Variants in OLFM1 observed in about 807,000 individuals in gnomAD.
OLFM1 encodes noelin.
Under a neutral mutation model 49.7 loss-of-function variants are expected in OLFM1, and 9 were observed. The observed-to-expected ratio is 0.18, with a 90% CI of 0.11 to 0.32. The LOEUF is 0.32. OLFM1 is among the 10% of genes least tolerant of loss of function. OLFM1 has a pLI of 1.00. For missense variants in OLFM1, 369 were observed against 661.8 expected (o/e 0.56, Z 4.85); for synonymous variants, 240 against 271.8 (o/e 0.88, Z 1.15).
At chr9:135,092,361 T>TCATGGTA (rs1237926075) in intron 2 of OLFM1, among the ~76,000 whole-genome samples, 1 of 152,190 alleles carries the variant, frequency 6.6e-6, no homozygotes, top group Non-Finnish European at 1.5e-5. Flanking sequence ...GAAGGATGCA[T>TCATGGTA]CATGGTACGC....
upstream of OLFM1, among the ~76,000 whole-genome samples, chr9:135,086,876 C>T (rs1349789391): frequency 6.6e-6 from 1 of 152,186 alleles, no homozygotes; most frequent in Non-Finnish European, 1.5e-5. Context: ...GACCCCAGTC[C>T]CCGCCCCACA....
At position 135,113,847 on chromosome 9, in the gene OLFM1, G is replaced by A. The variant is rs991795791; in HGVS notation, c.784-5657G>A. On this transcript the variant is annotated intron_variant, in intron 5 of 5. Transcript: ENST00000371793. This position sits in a 1 kb window ranked among gnomAD's most constrained non-coding sequence, Gnocchi z 4.0. ...TGCTGCAGGAGCTCCCACAGCCTGG[G>A]GGGCACCACAGGGGCTCACTGTCAC... is the stretch of plus-strand genomic sequence containing the variant. 1.3e-5 allele frequency among the ~76,000 whole-genome samples: 2 copies of A among 152,356 alleles called. No individual in the cohort carries two copies. The highest frequency in any genetic ancestry group is 4.8e-5 in the African/African-American group (2 of 41,596).
chr9:135,075,540 A>C (rs1487939545), exon 1 of OLFM1: 1 of 431,356 alleles, frequency 2.3e-6, no homozygotes, highest in Non-Finnish European at 4.0e-6. Flanking sequence ...AAATATGCAG[A>C]GCGGAGGCTT....
In OLFM1 at chr9:135,087,886, C is replaced by T. The variant is rs1483844306; in HGVS notation, c.-104C>T. On this transcript the variant is annotated 5_prime_UTR_variant, in exon 1 of 6. Coordinates refer to ENST00000371793, the MANE Select transcript of OLFM1 (RefSeq NM_001282611.2). ...GGCGGGCCGAGGGGGCGCGGGGACA[C>T]AGCCAGGCGCCCCTGCCCGCCGCGG... 1 of 1,053,274 alleles carries T rather than the reference C, an allele frequency of 9.5e-7. No homozygotes were observed. The allele number at this position is 1,053,274 out of a possible 1,614,324, so 65.2% of individuals were successfully genotyped here.
intron 3 of OLFM1, chr9:135,097,994 T>C: frequency 3.5e-6 from 5 of 1,420,284 alleles, no homozygotes; most frequent in Non-Finnish European, 3.7e-6. Flanking sequence ...TTTGAACCCT[T>C]GTCAATGCAT....
chr9:135,116,587 G>A (rs897199332), intron 5 of OLFM1, among the ~76,000 whole-genome samples: 1 of 152,138 alleles, frequency 6.6e-6, no homozygotes, highest in African/African-American at 2.4e-5. Flanking sequence ...CACAGTCAAA[G>A]GTGTTCTGTG....
intron 4 of OLFM1, among the ~76,000 whole-genome samples, chr9:135,104,621 G>A (rs1176298224): frequency 6.6e-6 from 1 of 152,296 alleles, no homozygotes; most frequent in African/African-American, 2.4e-5. Flanking sequence ...AAGTCCTCAC[G>A]GGATGTTCAC....
intron 3 of OLFM1, chr9:135,097,678 A>G: frequency 2.1e-6 from 2 of 953,016 alleles, no homozygotes; most frequent in Non-Finnish European, 3.4e-6. Context: ...TTACAGTGGG[A>G]TTTTTCTAAC....
intron 5 of OLFM1, among the ~76,000 whole-genome samples, chr9:135,107,593 C>G (rs1830963461): frequency 6.6e-6 from 1 of 152,258 alleles, no homozygotes; most frequent in South Asian, 2.1e-4. Context: ...AAGTGAGCAC[C>G]CTCTGAAGGC....
upstream of OLFM1, chr9:135,087,490 C>T (rs1287754254): frequency 3.4e-6 from 5 of 1,479,074 alleles, no homozygotes; most frequent in African/African-American, 7.2e-5. Context: ...CTCATGTCAC[C>T]CTGATCCCAA....
At chr9:135,078,532 G>A (rs1830495787) in intron 1 of OLFM1, among the ~76,000 whole-genome samples, 1 of 152,226 alleles carries the variant, frequency 6.6e-6, no homozygotes, top group African/African-American at 2.4e-5. Context: ...AAGGCTGTGG[G>A]GCCAGGTGAA....
chr9:135,075,541 G>A (rs975335545), exon 1 of OLFM1: 9 of 379,760 alleles, frequency 2.4e-5, no homozygotes, highest in Non-Finnish European at 4.2e-5. Context: ...AATATGCAGA[G>A]CGGAGGCTTC....
In OLFM1 at chr9:135,076,179, C is replaced by A. The variant is rs1367625926; in HGVS notation, c.96+377C>A. 2.6e-6 allele frequency: 4 copies of A among 1,550,300 alleles called. No homozygotes were observed. The East Asian group carries it at 9.8e-5, about 38-fold the overall frequency. ...GGATAGCCAAGACCCCAGGCATTTT[C>A]AGAGGTGGCGGGACCTTAGTCCTAC... On this transcript the variant is annotated intron_variant, in intron 1 of 5. Transcript: ENST00000252854.
At chr9:135,091,881 ACACACTCACACATAGT>A (rs1830719424) in intron 2 of OLFM1, among the ~76,000 whole-genome samples, 1 of 100,006 alleles carries the variant, frequency 1.0e-5, no homozygotes, top group East Asian at 3.1e-4. Flanking sequence ...ACAGTCACAC[ACACACTCACACATAGT>A]CACACACACA....
At chr9:135,109,108 C>T (rs1033615588) in intron 5 of OLFM1, among the ~76,000 whole-genome samples, 2 of 152,172 alleles carry the variant, frequency 1.3e-5, no homozygotes, top group Admixed American at 1.3e-4. Flanking sequence ...TCTAACACCC[C>T]CCAGGACTGG....
intron 5 of OLFM1, among the ~76,000 whole-genome samples, chr9:135,114,687 G>A (rs1177999685): frequency 2.0e-5 from 3 of 152,020 alleles, no homozygotes; most frequent in Non-Finnish European, 4.4e-5. Flanking sequence ...GGGCAGCCTG[G>A]GGAGGGAGGG....
At chr9:135,076,067 C>T (rs1830461020) in intron 1 of OLFM1, 1 of 1,458,742 alleles carries the variant, frequency 6.9e-7, no homozygotes, top group Non-Finnish European at 9.1e-7. Flanking sequence ...GACTCCGCTG[C>T]CCCCGACTCC....
In OLFM1 at chr9:135,117,711, G is replaced by A. The variant is rs533508528; in HGVS notation, c.784-1793G>A. Reference sequence around the variant, plus strand: ...GGGGTATGGCAGTGAACAGATAGGTGCAGCTGCTGCCCCACAACCTGGTGT... The same window carrying A: ...GGGGTATGGCAGTGAACAGATAGGTACAGCTGCTGCCCCACAACCTGGTGT... On this transcript the variant is annotated intron_variant, in intron 5 of 5. Transcript: ENST00000371793. The surrounding 1 kb of genome is among the most constrained non-coding windows in gnomAD (Gnocchi z 5.5). 1.3e-5 allele frequency among the ~76,000 whole-genome samples: 2 copies of A among 152,332 alleles called. No homozygotes were observed. The highest frequency in any genetic ancestry group is 1.9e-4 in the East Asian group (1 of 5,168).
rs1448277877 is a variant in OLFM1 at position 135,088,102 on chromosome 9, C to T, written c.113C>T (p.Ser38Leu). ...GTGGGCCTCAACACCACCAAGCTCTCGGCGGCCGGCGGCGGGACGCTGGAC... is the reference window on the plus strand; with the variant it reads ...GTGGGCCTCAACACCACCAAGCTCTTGGCGGCCGGCGGCGGGACGCTGGAC... ...SLVGLNTTKLSAAGGGTLDRS... is the reference protein window; with the variant it reads ...SLVGLNTTKLLAAGGGTLDRS... Residue 38 changes from serine to leucine, a missense_variant, in exon 1 of 6, where the codon TCG (serine) becomes TTG (leucine). Ser to Leu is a moderately radical substitution (Grantham distance 145). Around this residue, in one of 3 missense-constraint regions of OLFM1, gnomAD observed 55 missense variants for 53.3 expected, o/e 1.03. Transcript: ENST00000371793. The surrounding 1 kb of genome is among the most constrained non-coding windows in gnomAD (Gnocchi z 4.8). 2.1e-6 allele frequency: 3 copies of T among 1,411,846 alleles called. No homozygotes were observed. Among genetic ancestry groups the T allele is most frequent in the African/African-American group, 1.5e-5 (1 of 67,110 alleles). 87.5% of individuals were successfully genotyped at this position (1,411,846 alleles called of 1,614,324 possible). A position where few individuals can be genotyped will look rare whatever the true frequency, so the allele number is the denominator to read the frequency against.
Sources: gnomAD v4.1 joint callset for allele counts (sites outside exome capture counted in the v4.1 genomes callset) on GRCh38, gnomAD v4.1.1 for gene constraint, gnomAD v4.1.1 regional missense constraint, Gnocchi (gnomAD v3.1) non-coding constraint, MANE v1.5 for transcripts, NCBI Gene and HGNC (gene_info 2026-07-23, HGNC 2026-07-21) for gene names.